VPS53: variants seen among roughly 807,000 people sequenced by gnomAD.
The protein encoded by VPS53 is vacuolar protein sorting-associated protein 53 homolog.
A neutral mutation model predicts 107.0 loss-of-function variants in VPS53; 70 were observed. That is an observed-to-expected ratio of 0.65 (90% confidence interval 0.54 to 0.80). VPS53 has a LOEUF of 0.80. Ranked by LOEUF, VPS53 falls within the 30% of genes least tolerant of loss-of-function variation. The pLI, the probability that VPS53 is intolerant of heterozygous loss-of-function variation, is 0.00. For missense variants in VPS53, 917 were observed against 1,049.4 expected (o/e 0.87, Z 1.74); for synonymous variants, 409 against 393.3 (o/e 1.04, Z -0.47).
chr17:620,893 C>T (rs184336923), intron 11 of VPS53, among the ~76,000 whole-genome samples: 1 of 152,078 alleles, frequency 6.6e-6, no homozygotes, highest in African/African-American at 2.4e-5. Context: ...TAGGCATGAG[C>T]CACCGCACCC....
intron 13 of VPS53, among the ~76,000 whole-genome samples, chr17:578,793 A>G (rs1166408947): frequency 6.6e-6 from 1 of 151,238 alleles, no homozygotes; most frequent in African/African-American, 2.4e-5. Flanking sequence ...GCGTTCCTAG[A>G]GAACCCCCAA....
intron 4 of VPS53, among the ~76,000 whole-genome samples, chr17:678,725 A>AC (rs1972264477): frequency 1.3e-5 from 2 of 150,264 alleles, no homozygotes; most frequent in South Asian, 4.2e-4. Context: ...TGCAAGCTCC[A>AC]CCCCCCGGGT....
At position 582,610 on chromosome 17, in the gene VPS53, C is replaced by T. The variant is rs12325811; in HGVS notation, c.1313+3660G>A. The stretch of plus-strand genomic sequence containing the variant: ...CAGGGAACTTCCCTCAGAACCTCAA[C>T]GCAGTCCCAGAGAAACTCCCTCAGA... On this transcript the variant is annotated intron_variant, in intron 13 of 21. Coordinates refer to ENST00000437048, the MANE Select transcript of VPS53 (RefSeq NM_001128159.3). 5.8e-3 allele frequency among the ~76,000 whole-genome samples: 809 copies of T among 139,966 alleles called. 15 individuals are homozygous for T. The highest frequency in any genetic ancestry group is 0.02 in the African/African-American group (766 of 38,038). 91.8% of individuals were successfully genotyped at this position (139,966 alleles called of 152,430 possible). A position where few individuals can be genotyped will look rare whatever the true frequency, so the allele number is the denominator to read the frequency against.
chr17:582,289 G>T (rs1209640167), intron 13 of VPS53, among the ~76,000 whole-genome samples: 1 of 145,414 alleles, frequency 6.9e-6, no homozygotes, highest in African/African-American at 2.5e-5. Context: ...AAACCTCAGT[G>T]TGTTCCCAGA....
chr17:613,861 G>T (rs1969014368), intron 11 of VPS53, among the ~76,000 whole-genome samples: 1 of 152,238 alleles, frequency 6.6e-6, no homozygotes, highest in Non-Finnish European at 1.5e-5. Context: ...CAGTGAAAAA[G>T]TGGAAACCAC....
Position 652,883 on chromosome 17 carries a change from G to C in VPS53, c.608+408C>G, listed in dbSNP as rs528091744. Among the ~76,000 whole-genome samples the C allele has an allele frequency of 2.0e-5, 3 of 152,340 alleles. No homozygotes were observed. The South Asian group carries it at 6.2e-4, about 32-fold the overall frequency. On this transcript the variant is annotated intron_variant, in intron 7 of 21. Coordinates refer to ENST00000437048, the MANE Select transcript of VPS53 (RefSeq NM_001128159.3). The stretch of plus-strand genomic sequence containing the variant: ...TTTGGAAGACATGGGAAGGGGTAAA[G>C]TGGGGGAACGTCTGCACCAGACAGT...
At position 513,656 on chromosome 17, in the gene VPS53, C is replaced by T. The variant is rs1427558241; in HGVS notation, c.*5472G>A. The T allele has an allele frequency of 1.4e-5, 2 of 143,970 alleles. No individual in the cohort carries two copies. The highest frequency in any genetic ancestry group is 5.0e-5 in the African/African-American group (2 of 40,348). 8.9% of individuals were successfully genotyped at this position (143,970 alleles called of 1,614,324 possible). A position where few individuals can be genotyped will look rare whatever the true frequency, so the allele number is the denominator to read the frequency against. On this transcript the variant is annotated 3_prime_UTR_variant, in exon 22 of 22. Coordinates refer to ENST00000437048, the MANE Select transcript of VPS53 (RefSeq NM_001128159.3). ...CATTTCCAGCAGGTTATTCCGAGTG[C>T]TCTTCCTAGCGAAGGAATCCCATTT...
intron 13 of VPS53, among the ~76,000 whole-genome samples, chr17:576,886 C>T (rs1053558107): frequency 6.6e-6 from 1 of 151,420 alleles, no homozygotes; most frequent in African/African-American, 2.4e-5. Context: ...CTAAAGCGTT[C>T]ACAGAGAACC....
At chr17:622,201 A>T (rs1364890057) in intron 11 of VPS53, among the ~76,000 whole-genome samples, 2 of 151,986 alleles carry the variant, frequency 1.3e-5, no homozygotes, top group African/African-American at 4.8e-5. Flanking sequence ...ACAGAGCAAG[A>T]CTCTGTCTAA....
chr17:632,782 G>C (rs766693064), intron 7 of VPS53: 37 of 456,110 alleles, frequency 8.1e-5, no homozygotes, highest in Non-Finnish European at 1.2e-4. Context: ...CCCGTGTCTG[G>C]CTTATTTCAT....
chr17:671,282 AGAAG>A (rs778817885), intron 4 of VPS53, among the ~76,000 whole-genome samples: 20 of 151,648 alleles, frequency 1.3e-4, no homozygotes, highest in Non-Finnish European at 2.8e-4. Context: ...AGGGACAAAA[AGAAG>A]GAAGGAAGGG....
intron 12 of VPS53, among the ~76,000 whole-genome samples, chr17:588,319 A>AAACT (rs1331700942): frequency 1.8e-5 from 2 of 111,074 alleles, no homozygotes; most frequent in African/African-American, 5.6e-5. Flanking sequence ...TCCATTTCAA[A>AAACT]AACAAACAAA....
At chr17:654,751 A>AAAG (rs1971114034) in intron 6 of VPS53, among the ~76,000 whole-genome samples, 3 of 148,022 alleles carry the variant, frequency 2.0e-5, no homozygotes, top group African/African-American at 2.5e-5. Context: ...AAAAAAAAAA[A>AAAG]AAAGAAAAAA....
intron 19 of VPS53, chr17:523,331 C>G (rs1908889103): frequency 6.6e-6 from 1 of 152,466 alleles, no homozygotes; most frequent in African/African-American, 2.4e-5. Context: ...AATGCCACCA[C>G]TCAACTCCGG....
rs558185467 is a variant in VPS53, at chr17:691,148, A to T, written c.285+6270T>A. On this transcript the variant is annotated intron_variant, in intron 4 of 21. Transcript: ENST00000437048. ...AAAGATGAAGAAACTAAGAATGGTT[A>T]GCCTAGAAAAGGGAACACTTAGGAA... is the stretch of plus-strand genomic sequence containing the variant. 3.3e-5 allele frequency among the ~76,000 whole-genome samples: 5 copies of T among 152,362 alleles called. No individual in the cohort carries two copies. In the East Asian group the frequency reaches 7.7e-4, roughly 23 times the overall value.
At chr17:706,585 T>A (rs190096168) in intron 2 of VPS53, among the ~76,000 whole-genome samples, 1 of 152,040 alleles carries the variant, frequency 6.6e-6, no homozygotes, top group East Asian at 1.9e-4. Context: ...ACATCATAAT[T>A]TACCTATAAT....
chr17:590,829 C>T (rs1401862320), intron 12 of VPS53, among the ~76,000 whole-genome samples: 1 of 150,024 alleles, frequency 6.7e-6, no homozygotes, highest in Non-Finnish European at 1.5e-5. Flanking sequence ...GGATATTGGT[C>T]TAAAATTCTC....
intron 2 of VPS53, among the ~76,000 whole-genome samples, chr17:708,078 C>A (rs1973486832): frequency 6.6e-6 from 1 of 152,098 alleles, no homozygotes; most frequent in Admixed American, 6.6e-5. Flanking sequence ...CCCTACGGGG[C>A]CTTGTGGGTT....
chr17:703,523 G>C (rs1391376700), intron 2 of VPS53, among the ~76,000 whole-genome samples: 3 of 152,242 alleles, frequency 2.0e-5, no homozygotes, highest in African/African-American at 7.2e-5. Flanking sequence ...AGCCCTGTGG[G>C]AATCCACATT....
Sources: allele counts gnomAD v4.1 joint callset (sites outside exome capture counted in the v4.1 genomes callset), GRCh38; gene constraint gnomAD v4.1.1; transcripts MANE v1.5; gene names NCBI Gene and HGNC (gene_info 2026-07-23, HGNC 2026-07-21).